Variants in GALNT1 observed in about 807,000 individuals in gnomAD.
GALNT1 encodes GalNAc transferase 1.
In GALNT1, 17 loss-of-function variants were observed where a neutral mutation model predicts 65.7. That is an observed-to-expected ratio of 0.26 (90% CI 0.18 to 0.39). GALNT1 has a LOEUF of 0.39. Among genes scored for constraint, GALNT1 ranks in the 10% least tolerant of loss-of-function variants. The pLI is 1.00. For synonymous variants in GALNT1, 210 were observed against 219.7 expected (o/e 0.96, Z 0.39); for missense variants, 460 against 672.8 (o/e 0.68, Z 3.50).
chr18:35,628,037 G>A (rs1381869958), intron 1 of GALNT1, among the ~76,000 whole-genome samples: 5 of 152,218 alleles, frequency 3.3e-5, no homozygotes, highest in African/African-American at 1.2e-4. Flanking sequence ...ACCCGCCATT[G>A]CTGAGGCTTG....
At chr18:35,638,560 A>G (rs1459822544) in intron 1 of GALNT1, among the ~76,000 whole-genome samples, 1 of 151,986 alleles carries the variant, frequency 6.6e-6, no homozygotes, top group Admixed American at 6.6e-5. Flanking sequence ...GTTTCTTTAC[A>G]TCTCCTTGTT....
At chr18:35,687,529 G>A (rs2047887296) in intron 6 of GALNT1, among the ~76,000 whole-genome samples, 1 of 152,128 alleles carries the variant, frequency 6.6e-6, no homozygotes. Flanking sequence ...GTGTCAGTAT[G>A]TGAAGATACT....
chr18:35,633,399 A>G (rs951887742), intron 1 of GALNT1, among the ~76,000 whole-genome samples: 1 of 152,174 alleles, frequency 6.6e-6, no homozygotes, highest in Non-Finnish European at 1.5e-5. Flanking sequence ...TTGTAGGGAC[A>G]TGGATGAAGC....
intron 9 of GALNT1, among the ~76,000 whole-genome samples, chr18:35,698,547 ACAATAGCCACATTTGAAGTGCT>A (rs1196159136): frequency 6.6e-6 from 1 of 152,244 alleles, no homozygotes. Context: ...TTCTTCAGTC[ACAATAGCCACATTTGAAGTGCT>A]CAATAGCCAC....
chr18:35,646,912 C>T (rs534245190), intron 1 of GALNT1, among the ~76,000 whole-genome samples: 7 of 152,116 alleles, frequency 4.6e-5, no homozygotes, highest in South Asian at 2.1e-4. Context: ...TCACACTTAA[C>T]GTTTCTTCCC....
intron 7 of GALNT1, 40 bp downstream of exon 7, chr18:35,689,330 C>A: frequency 8.8e-7 from 1 of 1,141,612 alleles, no homozygotes; most frequent in Non-Finnish European, 1.3e-6. Flanking sequence ...TATTTAACTT[C>A]AAGTATAGAT....
intron 1 of GALNT1, among the ~76,000 whole-genome samples, chr18:35,591,390 A>G (rs1330947145): frequency 6.6e-6 from 1 of 152,212 alleles, no homozygotes; most frequent in Non-Finnish European, 1.5e-5. Flanking sequence ...AATAAATCAC[A>G]ACTTAGAATA....
chr18:35,630,985 T>C (rs974981244), intron 1 of GALNT1, among the ~76,000 whole-genome samples: 1 of 151,902 alleles, frequency 6.6e-6, no homozygotes, highest in South Asian at 2.1e-4. Flanking sequence ...ACACATACAC[T>C]CTCCCAAGAC....
At chr18:35,632,951 C>G (rs1284269833) in intron 1 of GALNT1, among the ~76,000 whole-genome samples, 1 of 152,168 alleles carries the variant, frequency 6.6e-6, no homozygotes, top group Non-Finnish European at 1.5e-5. Flanking sequence ...AAAAAATGCT[C>G]ATCACTGGCC....
rs771471816 is a variant in GALNT1 at position 35,683,466 on chromosome 18, G to A, written c.557G>A (p.Arg186His). ...VPVHVIRMEQ[R>H]SGLIRARLKG... ...GTTCATGTAATTCGAATGGAACAAC[G>A]TTCTGGATTGATCAGAGCTAGATTA... The change falls in exon 5 of 12, where the codon CGT becomes CAT. Residue 186 changes from arginine (R) to histidine (H), a missense_variant. By Grantham distance (29) the Arg-to-His change is conservative (BLOSUM62 0). Coordinates refer to ENST00000269195, the MANE Select transcript of GALNT1 (RefSeq NM_020474.4). 7 of 1,613,682 alleles carry A rather than the reference G, an allele frequency of 4.3e-6. No individual in the cohort carries two copies. The highest frequency in any genetic ancestry group is 5.9e-6 in the Non-Finnish European group (7 of 1,179,848).
intron 1 of GALNT1, among the ~76,000 whole-genome samples, chr18:35,653,660 G>A (rs945659818): frequency 1.4e-4 from 21 of 152,190 alleles, no homozygotes; most frequent in Non-Finnish European, 3.1e-4. Context: ...AGGTCTCTCA[G>A]GCTGCTTCAT....
At chr18:35,687,290 C>A in intron 6 of GALNT1, 104 bp downstream of exon 6, 1 of 1,052,690 alleles carries the variant, frequency 9.5e-7, no homozygotes, top group Non-Finnish European at 1.4e-6. Flanking sequence ...AAACGTGAAG[C>A]ATTCGTATAC....
chr18:35,594,488 G>A (rs77795660), intron 1 of GALNT1, among the ~76,000 whole-genome samples: 3,983 of 152,208 alleles, frequency 0.026, 172 homozygotes, highest in African/African-American at 0.092. Flanking sequence ...TGGCTAGTTA[G>A]TGTAGGTTTA....
intron 1 of GALNT1, among the ~76,000 whole-genome samples, chr18:35,603,327 G>T (rs1257907754): frequency 1.3e-5 from 2 of 152,114 alleles, no homozygotes; most frequent in Non-Finnish European, 2.9e-5. Flanking sequence ...GGAGAGAGAA[G>T]TCTGTTTCTC....
intron 1 of GALNT1, among the ~76,000 whole-genome samples, chr18:35,617,437 A>T (rs1195530504): frequency 6.6e-6 from 1 of 152,218 alleles, no homozygotes; most frequent in East Asian, 1.9e-4. Flanking sequence ...AACACGTTTA[A>T]AAGTTACTTC....
intron 3 of GALNT1, among the ~76,000 whole-genome samples, chr18:35,671,785 C>T (rs1281807398): frequency 1.3e-5 from 2 of 152,094 alleles, no homozygotes; most frequent in Non-Finnish European, 2.9e-5. Context: ...TTGTAATTGT[C>T]AAGGTGTAGA....
At position 35,689,230 on chromosome 18, in the gene GALNT1, T is replaced by G. The variant is rs1173192365; in HGVS notation, c.918T>G (p.Ile306Met). Residue 306 changes from isoleucine to methionine, a missense_variant, in exon 7 of 12, where the codon ATT becomes ATG. Physicochemically the swap from Ile to Met is conservative, Grantham distance 10. Coordinates refer to ENST00000269195, the MANE Select transcript of GALNT1 (RefSeq NM_020474.4). Reference protein sequence around the residue: ...FSIDRDYFQEIGTYDAGMDIW... With the variant: ...FSIDRDYFQEMGTYDAGMDIW... ...TAGACAGAGATTACTTTCAGGAAAT[T>G]GGAACATATGATGCTGGAATGGATA... The G allele has an allele frequency of 1.2e-6, 2 of 1,612,878 alleles. No individual in the cohort carries two copies. Among genetic ancestry groups the G allele is most frequent in the Non-Finnish European group, 1.7e-6 (2 of 1,179,498 alleles).
chr18:35,648,965 G>A (rs981475849), intron 1 of GALNT1, among the ~76,000 whole-genome samples: 13 of 152,160 alleles, frequency 8.5e-5, no homozygotes, highest in African/African-American at 3.1e-4. Context: ...TATAAATATA[G>A]TGCAATTTGT....
chr18:35,663,205 G>T (rs1170067815), intron 2 of GALNT1, among the ~76,000 whole-genome samples: 2 of 152,192 alleles, frequency 1.3e-5, no homozygotes, highest in African/African-American at 4.8e-5. Flanking sequence ...GGAAGGCAGT[G>T]GGTGGCTGTT....
Sources: allele counts gnomAD v4.1 joint callset (sites outside exome capture counted in the v4.1 genomes callset), GRCh38; gene constraint gnomAD v4.1.1; transcripts MANE v1.5; gene names NCBI Gene and HGNC (gene_info 2026-07-23, HGNC 2026-07-21).